Variants in ZNF581 observed in about 807,000 individuals in gnomAD.
ZNF581 encodes zinc finger protein 581.
A neutral mutation model predicts 1.2 loss-of-function variants in ZNF581; 1 was observed. The ratio of observed to expected loss-of-function variants is 0.83; its 90% confidence interval spans 0.30 to 3.95. The LOEUF (loss-of-function observed/expected upper bound fraction) is 3.95, where lower values mean the gene tolerates loss of function less well. ZNF581 is among the 30% of genes most tolerant of loss of function. ZNF581 has a pLI of 0.18. For missense variants in ZNF581, 273 were observed against 274.6 expected, an observed-to-expected ratio of 0.99 and a Z score of 0.04; for synonymous variants, 105 against 109.2, an observed-to-expected ratio of 0.96 and a Z score of 0.24.
upstream of ZNF581, among the ~76,000 whole-genome samples, chr19:55,637,781 G>A (rs866253509): frequency 6.6e-6 from 1 of 152,280 alleles, no homozygotes. Flanking sequence ...CCAATCACAC[G>A]ATCTCTTTGA....
upstream of ZNF581, chr19:55,640,886 A>G (rs1226192484): frequency 4.1e-6 from 4 of 984,790 alleles, no homozygotes; most frequent in Non-Finnish European, 4.8e-6. Context: ...GGGCGTCTTC[A>G]GTGGACCCCA....
upstream of ZNF581, chr19:55,641,954 T>C (rs1409030242): frequency 1.3e-6 from 1 of 772,668 alleles, no homozygotes; most frequent in East Asian, 1.4e-4. Flanking sequence ...CCACGGAATA[T>C]GAAGATGGGG....
At chr19:55,640,730 G>T, upstream of ZNF581, 3 of 985,468 alleles carry the variant, frequency 3.0e-6, no homozygotes, top group Non-Finnish European at 3.6e-6. Flanking sequence ...AGCAGGCAGC[G>T]ACGGCCCAGT....
chr19:55,642,734 C>T (rs1982599142), upstream of ZNF581: 1 of 1,516,998 alleles, frequency 6.6e-7, no homozygotes, highest in Non-Finnish European at 8.8e-7. Context: ...GCCCCGGGGC[C>T]CGCCCCAGCG....
chr19:55,638,973 T>C (rs1276563399), upstream of ZNF581, among the ~76,000 whole-genome samples: 1 of 146,464 alleles, frequency 6.8e-6, no homozygotes, highest in South Asian at 2.2e-4. Flanking sequence ...GCCACTGCAC[T>C]TTAGCCTGGG....
upstream of ZNF581, among the ~76,000 whole-genome samples, chr19:55,636,175 G>A (rs146803915): frequency 1.3e-5 from 2 of 152,320 alleles, no homozygotes; most frequent in East Asian, 3.9e-4. Context: ...CAACACAGCT[G>A]TGAGAAGCAT....
chr19:55,644,644 C>T lies in ZNF581; in HGVS notation c.73C>T (p.Arg25Cys), dbSNP rs1165235660. ...CGTTGAGACCATGGAGGGCCCTCCC[C>T]GTCGGACTTGCCGCTCCCCAGAACC... Reference protein sequence around the residue: ...SSVETMEGPPRRTCRSPEPGP... With the variant: ...SSVETMEGPPCRTCRSPEPGP... The change falls in exon 2 of 2, where the codon CGT becomes TGT. Residue 25 changes from arginine to cysteine, a missense_variant. By Grantham distance (180) the Arg-to-Cys change is radical. Transcript: ENST00000270451. The surrounding 1 kb of genome is among the most constrained non-coding windows in gnomAD (Gnocchi z 4.3). 11 of 1,610,788 alleles carry T rather than the reference C, an allele frequency of 6.8e-6. No homozygotes were observed. Among genetic ancestry groups the T allele is most frequent in the African/African-American group, 4.0e-5 (3 of 74,800 alleles).
chr19:55,644,436 G>C lies in ZNF581; in HGVS notation c.-19-117G>C, dbSNP rs1982728168. 1.5e-6 allele frequency: 1 copy of C among 661,420 alleles called. No individual in the cohort carries two copies. The allele number at this position is 661,420 out of a possible 1,614,324, so 41.0% of individuals were successfully genotyped here. A position where few individuals can be genotyped will look rare whatever the true frequency, so the allele number is the denominator to read the frequency against. On this transcript the variant is annotated intron_variant, in intron 1 of 1. Transcript: ENST00000270451. The surrounding 1 kb of genome is among the most constrained non-coding windows in gnomAD (Gnocchi z 4.3). ...TGAGCGGGACTGGAAAAGAGGGACT[G>C]AGGGGCAGCAGGATGCAGAGGTCCT...
chr19:55,642,023 G>A (rs530071118), upstream of ZNF581: 2 of 984,932 alleles, frequency 2.0e-6, no homozygotes, highest in Non-Finnish European at 2.4e-6. Context: ...GGGCCGGTGG[G>A]GGGGTAGGGG....
At chr19:55,641,209 A>C, upstream of ZNF581, 2 of 983,726 alleles carry the variant, frequency 2.0e-6, no homozygotes, top group Non-Finnish European at 2.4e-6. Flanking sequence ...TGGAGGGAGG[A>C]GCCTGGCCCT....
At chr19:55,642,660 G>A, upstream of ZNF581, 2 of 1,426,120 alleles carry the variant, frequency 1.4e-6, no homozygotes, top group East Asian at 2.9e-5. Context: ...CCGCGGCTGG[G>A]CCGCCACCTC....
At chr19:55,638,659 C>G (rs1202449999), upstream of ZNF581, among the ~76,000 whole-genome samples, 1 of 152,068 alleles carries the variant, frequency 6.6e-6, no homozygotes. Flanking sequence ...TCCCACCAAG[C>G]CCCGTCTCCA....
chr19:55,640,102 T>C (rs1455098525), upstream of ZNF581: 1 of 984,564 alleles, frequency 1.0e-6, no homozygotes, highest in African/African-American at 1.7e-5. Flanking sequence ...TGACAGTTAC[T>C]CCTCTTCTGT....
chr19:55,637,322 G>A (rs1056465024), upstream of ZNF581, among the ~76,000 whole-genome samples: 22 of 152,174 alleles, frequency 1.4e-4, no homozygotes, highest in African/African-American at 5.1e-4. Flanking sequence ...GATCGCTTGA[G>A]GCCAGGAGTT....
chr19:55,640,648 G>A, upstream of ZNF581: 2 of 985,440 alleles, frequency 2.0e-6, no homozygotes, highest in Non-Finnish European at 2.4e-6. Context: ...TCTGGACCTC[G>A]GTCTCCACAT....
chr19:55,637,365 G>T (rs1279045099), upstream of ZNF581, among the ~76,000 whole-genome samples: 2 of 152,116 alleles, frequency 1.3e-5, no homozygotes, highest in Non-Finnish European at 2.9e-5. Context: ...GTGAAACCCT[G>T]TCTCTTCTAA....
chr19:55,638,637 G>C (rs1026269160), upstream of ZNF581, among the ~76,000 whole-genome samples: 3 of 152,024 alleles, frequency 2.0e-5, no homozygotes, highest in Non-Finnish European at 4.4e-5. Flanking sequence ...CCACCCCCAT[G>C]ATCCAAATGC....
Position 55,644,729 on chromosome 19 carries a change from A to G in ZNF581, c.158A>G (p.Tyr53Cys). Residue 53 changes from tyrosine (Y) to cysteine (C), a missense_variant, in exon 2 of 2, where the codon TAC (tyrosine) becomes TGC (cysteine). By Grantham distance (194) the Tyr-to-Cys change is radical. Coordinates refer to ENST00000270451, the MANE Select transcript of ZNF581 (RefSeq NM_016535.4). The surrounding 1 kb of genome is among the most constrained non-coding windows in gnomAD (Gnocchi z 4.3). The part of the protein sequence containing the change: ...QASSPPRPNH[Y>C]LLIDTQGVPY... ...TCATCTCCTCCAAGGCCCAACCACTACCTGCTTATTGACACTCAGGGTGTC... is the reference window on the plus strand; with the variant it reads ...TCATCTCCTCCAAGGCCCAACCACTGCCTGCTTATTGACACTCAGGGTGTC... The G allele has an allele frequency of 6.2e-7, 1 of 1,613,972 alleles. No individual in the cohort carries two copies. Among genetic ancestry groups the G allele is most frequent in the African/African-American group, 1.3e-5 (1 of 74,990 alleles).
chr19:55,636,301 CAG>C (rs1211290042), upstream of ZNF581, among the ~76,000 whole-genome samples: 7 of 151,960 alleles, frequency 4.6e-5, no homozygotes, highest in African/African-American at 1.2e-4. Context: ...TCAGTGCCCT[CAG>C]GGGGTGGAGG....
Sources: allele counts gnomAD v4.1 joint callset (sites outside exome capture counted in the v4.1 genomes callset), GRCh38; gene constraint gnomAD v4.1.1; non-coding constraint Gnocchi (gnomAD v3.1); transcripts MANE v1.5; gene names NCBI Gene and HGNC (gene_info 2026-07-23, HGNC 2026-07-21).